TENM4: variants seen among roughly 807,000 people sequenced by gnomAD.
TENM4 encodes teneurin-4.
A neutral mutation model predicts 243.3 loss-of-function variants in TENM4; 82 were observed. That is an observed-to-expected ratio of 0.34 (90% CI 0.28 to 0.40). TENM4 has a LOEUF of 0.40. TENM4 is among the 10% of genes least tolerant of loss of function. The pLI is 1.00. For missense variants in TENM4, 3,138 were observed against 3,673.3 expected, an observed-to-expected ratio of 0.85 and a Z score of 3.77; for synonymous variants, 1,412 against 1,456.3, an observed-to-expected ratio of 0.97 and a Z score of 0.69.
intron 20 of TENM4, among the ~76,000 whole-genome samples, chr11:78,733,311 C>T (rs1855710722): frequency 6.6e-6 from 1 of 152,210 alleles, no homozygotes; most frequent in Non-Finnish European, 1.5e-5. Flanking sequence ...GTTCATCAGC[C>T]TCTGAGGATG....
intron 3 of TENM4, among the ~76,000 whole-genome samples, chr11:79,203,118 T>C (rs1410497760): frequency 6.6e-6 from 1 of 151,592 alleles, no homozygotes; most frequent in Non-Finnish European, 1.5e-5. Context: ...CAAAAAGACA[T>C]ATAATAACAA....
intron 12 of TENM4, among the ~76,000 whole-genome samples, chr11:78,846,075 A>C (rs2136185845): frequency 6.6e-6 from 1 of 152,278 alleles, no homozygotes; most frequent in Middle Eastern, 3.4e-3. Flanking sequence ...GGATGTCACC[A>C]CTCCAGAAAC....
intron 4 of TENM4, among the ~76,000 whole-genome samples, chr11:79,112,726 T>C (rs1861532892): frequency 6.6e-6 from 1 of 152,122 alleles, no homozygotes; most frequent in African/African-American, 2.4e-5. Context: ...TCCTAGGGGA[T>C]TGTTCCCATC....
At chr11:78,741,663 T>G (rs1420615599) in intron 19 of TENM4, among the ~76,000 whole-genome samples, 1 of 152,218 alleles carries the variant, frequency 6.6e-6, no homozygotes, top group Non-Finnish European at 1.5e-5. Flanking sequence ...TTCTGAACAT[T>G]TAATAATCAG....
chr11:78,758,189 G>C (rs1323072424), intron 18 of TENM4, among the ~76,000 whole-genome samples: 3 of 152,206 alleles, frequency 2.0e-5, no homozygotes, highest in Non-Finnish European at 4.4e-5. Flanking sequence ...TGGCTCTGCT[G>C]CGTCTCAGCT....
chr11:79,158,325 A>G (rs1402857488), intron 3 of TENM4, among the ~76,000 whole-genome samples: 1 of 152,232 alleles, frequency 6.6e-6, no homozygotes, highest in Non-Finnish European at 1.5e-5. Context: ...TTGTAGTCAT[A>G]CTAGCCAAGG....
intron 1 of TENM4, among the ~76,000 whole-genome samples, chr11:79,320,912 T>G (rs1470406430): frequency 6.6e-6 from 1 of 152,174 alleles, no homozygotes; most frequent in East Asian, 1.9e-4. Context: ...AAAACTGAGC[T>G]AGGTGTCTCT....
At chr11:79,421,167 A>G (rs534724893) in intron 1 of TENM4, among the ~76,000 whole-genome samples, 1 of 152,286 alleles carries the variant, frequency 6.6e-6, no homozygotes, top group South Asian at 2.1e-4. Context: ...AATGCTTATA[A>G]AGCTTTAAAT....
chr11:79,228,563 G>A (rs761346601), intron 2 of TENM4, among the ~76,000 whole-genome samples: 2 of 151,918 alleles, frequency 1.3e-5, no homozygotes, highest in African/African-American at 2.4e-5. Context: ...GCAGACACAC[G>A]TGCTTATTTC....
At position 79,226,231 on chromosome 11, in the gene TENM4, C is replaced by T. The variant is rs555081358; in HGVS notation, c.-264-10322G>A. Among the ~76,000 whole-genome samples, 165 of 152,332 alleles carry T rather than the reference C, an allele frequency of 1.1e-3. 2 individuals carry two copies. Among genetic ancestry groups the T allele is most frequent in the Admixed American group, 2.4e-3 (36 of 15,302 alleles). On this transcript the variant is annotated intron_variant, in intron 2 of 33. Transcript: ENST00000278550. The stretch of plus-strand genomic sequence containing the variant: ...AAGAAAGCCCAGCCAAATCCCTCAT[C>T]GTGTTTTATGTTATTTTCTTGGCTG...
intron 6 of TENM4, among the ~76,000 whole-genome samples, chr11:79,006,740 TG>T: frequency 1.3e-5 from 2 of 152,372 alleles, no homozygotes; most frequent in East Asian, 3.9e-4. Flanking sequence ...CAGAAAACTC[TG>T]AATGTGAAAA....
rs1862237141 is a variant in TENM4, at chr11:79,139,747, ATAATATATATTATATTTATAT to A, written c.-66+8942_-66+8962del. Among the ~76,000 whole-genome samples the A allele has an allele frequency of 5.3e-5, 3 of 56,310 alleles. 1 individual carries two copies. Among genetic ancestry groups the A allele is most frequent in the African/African-American group, 2.0e-4 (3 of 14,944 alleles). The allele number at this position is 56,310 out of a possible 152,430, so 36.9% of individuals were successfully genotyped here. On this transcript the variant is annotated intron_variant, in intron 4 of 33. Coordinates refer to ENST00000278550, the MANE Select transcript of TENM4 (RefSeq NM_001098816.3). Reference sequence around the variant, plus strand: ...ATATATATTATATTTATATAAATATATAATATATATTATATTTATATAAATATATAATATATATTATATTTA... The same window carrying A: ...ATATATATTATATTTATATAAATATAAAATATATAATATATATTATATTTA...
rs73502692 is a variant in TENM4, at chr11:79,007,316, T to C, written c.493+57422A>G. ...GAGTGGGGGCTGGAGCGGGGAGCAG[T>C]AGTAGGGGAAGATGGGAGTTTATTA... is the stretch of plus-strand genomic sequence containing the variant. On this transcript the variant is annotated intron_variant, in intron 6 of 33. Coordinates refer to ENST00000278550, the MANE Select transcript of TENM4 (RefSeq NM_001098816.3). 7.3e-3 allele frequency among the ~76,000 whole-genome samples: 1,110 copies of C among 151,818 alleles called. 11 individuals carry two copies. The highest frequency in any genetic ancestry group is 0.026 in the African/African-American group (1,055 of 41,352).
chr11:78,747,125 T>C (rs1330266986), intron 19 of TENM4, among the ~76,000 whole-genome samples: 3 of 152,052 alleles, frequency 2.0e-5, no homozygotes, highest in Non-Finnish European at 2.9e-5. Flanking sequence ...ATGGAAATAA[T>C]AATTCAAAGG....
chr11:78,775,753 C>T (rs1203831084), intron 17 of TENM4, among the ~76,000 whole-genome samples: 6 of 152,192 alleles, frequency 3.9e-5, no homozygotes, highest in Non-Finnish European at 8.8e-5. Context: ...TTCGGAAAGA[C>T]TCACACCAGG....
At chr11:79,264,415 C>T (rs1855849343) in intron 2 of TENM4, among the ~76,000 whole-genome samples, 1 of 152,164 alleles carries the variant, frequency 6.6e-6, no homozygotes, top group South Asian at 2.1e-4. Context: ...ATACTTGAGC[C>T]TGGCAATCTT....
intron 6 of TENM4, among the ~76,000 whole-genome samples, chr11:79,050,719 C>T (rs1859770262): frequency 1.3e-5 from 2 of 152,206 alleles, no homozygotes; most frequent in African/African-American, 4.8e-5. Context: ...ACAGCAAACT[C>T]ATTTAGAAGC....
chr11:79,067,393 C>A (rs1316198163), intron 5 of TENM4, among the ~76,000 whole-genome samples: 2 of 152,348 alleles, frequency 1.3e-5, no homozygotes, highest in Non-Finnish European at 2.9e-5. Flanking sequence ...CCTGCTCTCG[C>A]CCCCTGTCCC....
chr11:78,699,447 G>A (rs568584284), intron 28 of TENM4, among the ~76,000 whole-genome samples: 43 of 152,278 alleles, frequency 2.8e-4, no homozygotes, highest in South Asian at 6.2e-4. Flanking sequence ...TGCCATCTGA[G>A]GTTGCTGTGA....
Sources: allele counts gnomAD v4.1 joint callset (sites outside exome capture counted in the v4.1 genomes callset), GRCh38; gene constraint gnomAD v4.1.1; transcripts MANE v1.5; gene names NCBI Gene and HGNC (gene_info 2026-07-23, HGNC 2026-07-21).